BOD1L1: variants seen among roughly 807,000 people sequenced by gnomAD.
BOD1L1 encodes biorientation of chromosomes in cell division 1 like 1.
BOD1L1 carries 86 observed loss-of-function variants against 240.7 expected under a neutral mutation model. The ratio of observed to expected loss-of-function variants is 0.36; its 90% confidence interval spans 0.30 to 0.43. The LOEUF (loss-of-function observed/expected upper bound fraction) is 0.43, where lower values mean the gene tolerates loss of function less well. BOD1L1 is among the 20% of genes least tolerant of loss of function. The probability of loss-of-function intolerance (pLI) is 1.00; values close to 1 mark genes in which losing one functional copy is unlikely to be tolerated. For synonymous variants in BOD1L1, 1,268 were observed against 1,272.3 expected, an observed-to-expected ratio of 1.00 and a Z score of 0.07; for missense variants, 3,554 against 3,643.5, an observed-to-expected ratio of 0.98 and a Z score of 0.63.
chr4:13,622,230 C>G (rs753707226), intron 1 of BOD1L1, among the ~76,000 whole-genome samples: 1 of 152,102 alleles, frequency 6.6e-6, no homozygotes, highest in Non-Finnish European at 1.5e-5. Flanking sequence ...TCCGGTATTC[C>G]CAAATCTAAC....
intron 25 of BOD1L1, among the ~76,000 whole-genome samples, chr4:13,575,743 T>C (rs911751403): frequency 2.6e-5 from 4 of 152,316 alleles, no homozygotes; most frequent in Admixed American, 2.6e-4. Flanking sequence ...TACAGTTATG[T>C]ACCATTTCTC....
rs766146405 is a variant in BOD1L1 at position 13,614,272 on chromosome 4, T to C, written c.1098A>G (p.Glu366=). The C allele has an allele frequency of 1.8e-5, 28 of 1,546,350 alleles. No homozygotes were observed. The African/African-American group carries it at 3.3e-4, about 18-fold the overall frequency. Residue 366 remains glutamate, a synonymous_variant, in exon 4 of 26, where the codon GAA becomes GAG. Transcript: ENST00000040738. ...GAAGTTTTAAACTCTCTACTTCTTT[T>C]TCCTTTGCTTGTTTTTCATCTTTAA... ...QKVKDEKQAK[E]KEVESLKLPS...
intron 8 of BOD1L1, 85 bp downstream of exon 8, chr4:13,608,445 A>G: frequency 7.9e-7 from 1 of 1,258,372 alleles, no homozygotes; most frequent in Non-Finnish European, 1.0e-6. Flanking sequence ...CCAAAGTACA[A>G]CTCTTTACTG....
At position 13,613,632 on chromosome 4, in the gene BOD1L1, C is replaced by T; in HGVS notation, c.1204G>A (p.Gly402Arg). The T allele has an allele frequency of 1.3e-6, 2 of 1,581,754 alleles. No individual in the cohort carries two copies. Among genetic ancestry groups the T allele is most frequent in the Non-Finnish European group, 1.7e-6 (2 of 1,160,518 alleles). ...GAGCTAACTGTGATGTCTGTAAGTC[C>T]ATCCACATCAGAATCTATCAAAGAG... Reference protein sequence around the residue: ...DFSLIDSDVDGLTDITVSSVH... With the variant: ...DFSLIDSDVDRLTDITVSSVH... Residue 402 changes from glycine to arginine, a missense_variant, in exon 5 of 26, where the codon GGA (glycine) becomes AGA (arginine). Gly to Arg is a moderately radical substitution (Grantham distance 125). Around this residue, in one of 2 missense-constraint regions of BOD1L1, gnomAD observed 3,393 missense variants for 3,427.1 expected, o/e 0.99. Coordinates refer to ENST00000040738, the MANE Select transcript of BOD1L1 (RefSeq NM_148894.3). The surrounding 1 kb of genome is among the most constrained non-coding windows in gnomAD (Gnocchi z 4.0).
chr4:13,591,414 T>A (rs1393460539), intron 13 of BOD1L1, among the ~76,000 whole-genome samples: 1 of 152,194 alleles, frequency 6.6e-6, no homozygotes, highest in Admixed American at 6.5e-5. Flanking sequence ...GGAAACATTT[T>A]ATAAAATGTT....
At chr4:13,590,046 G>A (rs1361800597) in intron 14 of BOD1L1, among the ~76,000 whole-genome samples, 1 of 152,202 alleles carries the variant, frequency 6.6e-6, no homozygotes, top group East Asian at 1.9e-4. Context: ...CCTGTCAGAA[G>A]TTAACACATT....
At chr4:13,587,226 G>A (rs1713775183) in intron 16 of BOD1L1, among the ~76,000 whole-genome samples, 1 of 152,214 alleles carries the variant, frequency 6.6e-6, no homozygotes, top group African/African-American at 2.4e-5. Flanking sequence ...ATAGTGACAT[G>A]TGGCTAGTAG....
At chr4:13,598,815 T>A (rs1471177888) in intron 10 of BOD1L1, 131 bp downstream of exon 10, 1 of 952,474 alleles carries the variant, frequency 1.0e-6, no homozygotes, top group Non-Finnish European at 1.5e-6. Flanking sequence ...CATTATGATA[T>A]GAGAAAAAAA....
intron 25 of BOD1L1, 124 bp from the exon 26 acceptor site, chr4:13,570,252 A>C (rs1391511457): frequency 1.6e-6 from 1 of 628,622 alleles, no homozygotes; most frequent in Non-Finnish European, 2.5e-6. Flanking sequence ...ACCCAGTAAC[A>C]TTTATACATG....
chr4:13,597,254 C>T, intron 10 of BOD1L1, 86 bp from the exon 11 acceptor site: 1 of 985,888 alleles, frequency 1.0e-6, no homozygotes, highest in Admixed American at 2.0e-5. Context: ...ATGTGGTTAT[C>T]TGACATGCTG....
In BOD1L1 at chr4:13,603,016, G is replaced by A. The variant is rs755868870; in HGVS notation, c.3884C>T (p.Ser1295Leu). ...SSVTVVPLRE[S>L]YDPDVIPLFD... is the part of the protein sequence containing the mutation. ...CAGAGGAATTACATCTGGATCATACGATTCCCTCAGAGGCACAACAGTCAC... is the reference window on the plus strand; with the variant it reads ...CAGAGGAATTACATCTGGATCATACAATTCCCTCAGAGGCACAACAGTCAC... The change falls in exon 10 of 26, where the codon TCG becomes TTG. Residue 1295 changes from serine to leucine, a missense_variant. By Grantham distance (145) the Ser-to-Leu change is moderately radical. Around this residue, in one of 2 missense-constraint regions of BOD1L1, gnomAD observed 3,393 missense variants for 3,427.1 expected, o/e 0.99. Transcript: ENST00000040738. 5.2e-5 allele frequency: 84 copies of A among 1,613,852 alleles called. No homozygotes were observed. In the Admixed American group the frequency reaches 1.1e-3, roughly 21 times the overall value.
At chr4:13,580,056 G>T (rs1392444394) in intron 21 of BOD1L1, 83 bp from the exon 22 acceptor site, 3 of 995,928 alleles carry the variant, frequency 3.0e-6, no homozygotes, top group African/African-American at 3.2e-5. Flanking sequence ...ATGATGTAAA[G>T]GTGGTATAGG....
Position 13,619,963 on chromosome 4 carries a change from G to C in BOD1L1, c.348C>G (p.Asn116Lys). 6.2e-7 allele frequency: 1 copy of C among 1,613,164 alleles called. No individual in the cohort carries two copies. Among genetic ancestry groups the C allele is most frequent in the Non-Finnish European group, 8.5e-7 (1 of 1,179,520 alleles). ...CTTACTTGAGGACTTGTTGTCTAAT[G>C]TTGTTTCTTAGCTGGTTCTTATTGA... Reference protein sequence around the residue: ...PHLNKNQLRNNIRQQVLKSGM... With the variant: ...PHLNKNQLRNKIRQQVLKSGM... The change falls in exon 2 of 26, where the codon AAC becomes AAG. Residue 116 changes from asparagine (N) to lysine (K), a missense_variant. Coordinates refer to ENST00000040738, the MANE Select transcript of BOD1L1 (RefSeq NM_148894.3).
At chr4:13,625,847 C>T (rs1387995208) in intron 1 of BOD1L1, 1 of 152,096 alleles carries the variant, frequency 6.6e-6, no homozygotes, top group Admixed American at 6.5e-5. Flanking sequence ...TGGTGCAAAA[C>T]CTCCAATATC....
At position 13,596,041 on chromosome 4, in the gene BOD1L1, A is replaced by C. The variant is rs184753878; in HGVS notation, c.8020-97T>G. The C allele has an allele frequency of 2.1e-3, 1,957 of 931,148 alleles. 6 individuals carry two copies. Among genetic ancestry groups the C allele is most frequent in the Non-Finnish European group, 2.8e-3 (1,711 of 605,220 alleles). The allele number at this position is 931,148 out of a possible 1,614,324, so 57.7% of individuals were successfully genotyped here. A position where few individuals can be genotyped will look rare whatever the true frequency, so the allele number is the denominator to read the frequency against. On this transcript the variant is annotated intron_variant, in intron 11 of 25. Coordinates refer to ENST00000040738, the MANE Select transcript of BOD1L1 (RefSeq NM_148894.3). ...AAACAAAAAAAAACCCAGCATCCTG[A>C]AACAATATAAAAGCCTATTTTCAAG... is the stretch of plus-strand genomic sequence containing the variant.
intron 19 of BOD1L1, among the ~76,000 whole-genome samples, chr4:13,581,656 A>C (rs1336631415): frequency 6.6e-6 from 1 of 152,222 alleles, no homozygotes; most frequent in Admixed American, 6.5e-5. Flanking sequence ...CGGCTAGTGC[A>C]CAGGCTGTGT....
Position 13,604,225 on chromosome 4 carries a change from A to G in BOD1L1, c.2675T>C (p.Val892Ala), listed in dbSNP as rs762393495. ...TGTTCGTCGTTTCTCCTTGTGAACA[A>G]CCTCTTCTGGTTTCAAATTACTATC... ...NMDSNLKPEEVVHKEKRRTKS... is the reference protein window; with the variant it reads ...NMDSNLKPEEAVHKEKRRTKS... The change falls in exon 10 of 26, where the codon GTT becomes GCT. Residue 892 changes from valine (V) to alanine (A), a missense_variant. This residue lies in a region of BOD1L1 where 3,393 missense variants were observed against 3,427.1 expected (regional missense o/e 0.99). Coordinates refer to ENST00000040738, the MANE Select transcript of BOD1L1 (RefSeq NM_148894.3). The G allele has an allele frequency of 6.2e-7, 1 of 1,613,526 alleles. No individual in the cohort carries two copies. Among genetic ancestry groups the G allele is most frequent in the Admixed American group, 1.7e-5 (1 of 59,970 alleles).
At chr4:13,609,842 C>T (rs1325674231) in intron 6 of BOD1L1, among the ~76,000 whole-genome samples, 1 of 152,144 alleles carries the variant, frequency 6.6e-6, no homozygotes, top group Admixed American at 6.5e-5. Context: ...AAGTGATAGG[C>T]TAGTTCTACA....
In BOD1L1 at chr4:13,614,191, T is replaced by C. The variant is rs1716392139; in HGVS notation, c.1174+5A>G. On this transcript the variant is annotated splice_donor_5th_base_variant and intron_variant, in intron 4 of 25. Transcript: ENST00000040738. ...CTTTGTAGATGTTTGCAAGTTTTTA[T>C]ATACCTTCTTTTGTCCCTTCAACAG... 6 of 1,485,480 alleles carry C rather than the reference T, an allele frequency of 4.0e-6. No homozygotes were observed. In the South Asian group the frequency reaches 6.9e-5, roughly 17 times the overall value. The allele number at this position is 1,485,480 out of a possible 1,614,324, so 92.0% of individuals were successfully genotyped here.
Sources: gnomAD v4.1 joint callset for allele counts (sites outside exome capture counted in the v4.1 genomes callset) on GRCh38, gnomAD v4.1.1 for gene constraint, gnomAD v4.1.1 regional missense constraint, Gnocchi (gnomAD v3.1) non-coding constraint, MANE v1.5 for transcripts, NCBI Gene and HGNC (gene_info 2026-07-23, HGNC 2026-07-21) for gene names.